Variants in SHISA6 observed in about 807,000 individuals in gnomAD.
The protein encoded by SHISA6 is protein shisa-6.
Under a neutral mutation model 47.9 loss-of-function variants are expected in SHISA6, and 22 were observed. That is an observed-to-expected ratio of 0.46 (90% CI 0.33 to 0.66). SHISA6 has a LOEUF of 0.66. Among genes scored for constraint, SHISA6 ranks in the 30% least tolerant of loss-of-function variants. SHISA6 has a pLI of 0.02. For synonymous variants in SHISA6, 388 were observed against 337.8 expected (o/e 1.15, Z -1.63); for missense variants, 680 against 764.6 (o/e 0.89, Z 1.30).
At chr17:11,335,652 T>G (rs1911292643) in intron 2 of SHISA6, among the ~76,000 whole-genome samples, 2 of 152,108 alleles carry the variant, frequency 1.3e-5, no homozygotes, top group African/African-American at 4.8e-5. Context: ...TTGAATGAAC[T>G]TCCCTCCCAA....
At chr17:11,244,210 C>G (rs1907487385) in intron 1 of SHISA6, among the ~76,000 whole-genome samples, 1 of 152,136 alleles carries the variant, frequency 6.6e-6, no homozygotes. Flanking sequence ...GATGTTTCCC[C>G]CTCAAGTTCA....
chr17:11,543,597 T>C (rs2071852517), intron 3 of SHISA6, among the ~76,000 whole-genome samples: 1 of 152,084 alleles, frequency 6.6e-6, no homozygotes. Context: ...TTTCTGGCTA[T>C]AGACAATATT....
intron 3 of SHISA6, among the ~76,000 whole-genome samples, chr17:11,416,013 CAG>C (rs990596343): frequency 2.0e-5 from 3 of 152,162 alleles, no homozygotes; most frequent in African/African-American, 7.2e-5. Context: ...CCTCACGTGG[CAG>C]AGAGAGAAAG....
chr17:11,491,403 C>T (rs915045677), intron 3 of SHISA6, among the ~76,000 whole-genome samples: 16 of 152,118 alleles, frequency 1.1e-4, no homozygotes, highest in African/African-American at 3.9e-4. Context: ...CAGGTTCAAG[C>T]AATCCTCTTG....
intron 3 of SHISA6, among the ~76,000 whole-genome samples, chr17:11,391,274 G>T (rs968683980): frequency 6.6e-6 from 1 of 152,152 alleles, no homozygotes; most frequent in Non-Finnish European, 1.5e-5. Context: ...ATGAGAAAGC[G>T]ATGGGGCTAT....
Position 11,479,003 on chromosome 17 carries a change from T to C in SHISA6, c.896-72893T>C, listed in dbSNP as rs937621598. Reference sequence around the variant, plus strand: ...TGCTCATGGGTAGGAAGAATCAATATCGTGAAAATGGCCATACTGCCCAAG... The same window carrying C: ...TGCTCATGGGTAGGAAGAATCAATACCGTGAAAATGGCCATACTGCCCAAG... On this transcript the variant is annotated intron_variant, in intron 3 of 5. Coordinates refer to ENST00000441885, the MANE Select transcript of SHISA6 (RefSeq NM_207386.4). 2.0e-5 allele frequency among the ~76,000 whole-genome samples: 3 copies of C among 152,150 alleles called. No individual in the cohort carries two copies. The East Asian group carries it at 5.8e-4, about 29-fold the overall frequency.
intron 3 of SHISA6, among the ~76,000 whole-genome samples, chr17:11,406,677 A>C (rs1313725114): frequency 6.6e-6 from 1 of 152,196 alleles, no homozygotes; most frequent in African/African-American, 2.4e-5. Flanking sequence ...TCTGAGCACA[A>C]TGCCCAGAAC....
At chr17:11,447,832 A>G (rs1382380192) in intron 3 of SHISA6, among the ~76,000 whole-genome samples, 1 of 152,038 alleles carries the variant, frequency 6.6e-6, no homozygotes, top group African/African-American at 2.4e-5. Flanking sequence ...GAAATACCCC[A>G]CATGTATGGG....
chr17:11,514,480 G>A (rs548868770), intron 3 of SHISA6, among the ~76,000 whole-genome samples: 11 of 152,258 alleles, frequency 7.2e-5, no homozygotes, highest in South Asian at 2.1e-4. Context: ...CATTTTAGCC[G>A]CTCTGAAATG....
chr17:11,300,161 A>AAAAG (rs1555526747), intron 2 of SHISA6, among the ~76,000 whole-genome samples: 1 of 151,780 alleles, frequency 6.6e-6, no homozygotes, highest in Non-Finnish European at 1.5e-5. Context: ...AAAAAAAAAA[A>AAAAG]AAAAGAAAAA....
intron 3 of SHISA6, among the ~76,000 whole-genome samples, chr17:11,514,705 C>A (rs746774200): frequency 6.6e-6 from 1 of 152,218 alleles, no homozygotes; most frequent in African/African-American, 2.4e-5. Context: ...CCCAGAGGAA[C>A]TCTTGGCCCT....
intron 1 of SHISA6, among the ~76,000 whole-genome samples, chr17:11,261,108 G>C (rs528747534): frequency 6.6e-6 from 1 of 151,874 alleles, no homozygotes; most frequent in South Asian, 2.1e-4. Flanking sequence ...AGGAACCAGA[G>C]CAAGGAGGGG....
chr17:11,249,030 T>C (rs1270359380), intron 1 of SHISA6, among the ~76,000 whole-genome samples: 2 of 149,516 alleles, frequency 1.3e-5, no homozygotes, highest in Non-Finnish European at 3.0e-5. Context: ...CCCAGCTACT[T>C]GGGAGACTGA....
chr17:11,412,155 T>C lies in SHISA6; in HGVS notation c.895+32646T>C, dbSNP rs1372500318. On this transcript the variant is annotated intron_variant, in intron 3 of 5. Transcript: ENST00000441885. The stretch of plus-strand genomic sequence containing the variant: ...TAAATATCCTTTCCACTTTACTGGC[T>C]TTGAGTCCTTGGAAAAAATCATTTT... 2.0e-5 allele frequency among the ~76,000 whole-genome samples: 3 copies of C among 152,188 alleles called. No homozygotes were observed. The East Asian group carries it at 5.8e-4, about 29-fold the overall frequency.
At chr17:11,550,890 G>A (rs1381914912) in intron 3 of SHISA6, among the ~76,000 whole-genome samples, 1 of 152,194 alleles carries the variant, frequency 6.6e-6, no homozygotes, top group African/African-American at 2.4e-5. Context: ...AGAATAGAAG[G>A]GGAAATGGGA....
chr17:11,311,948 G>T (rs915451223), intron 2 of SHISA6, among the ~76,000 whole-genome samples: 1 of 151,800 alleles, frequency 6.6e-6, no homozygotes, highest in African/African-American at 2.4e-5. Context: ...GCTAATTTTT[G>T]TATTTTTAGT....
chr17:11,554,944 T>C (rs1229265232), intron 4 of SHISA6, among the ~76,000 whole-genome samples: 2 of 152,074 alleles, frequency 1.3e-5, no homozygotes, highest in Non-Finnish European at 2.9e-5. Flanking sequence ...TCTCCCACTT[T>C]TCCTTCCATT....
At chr17:11,518,786 C>T (rs576771665) in intron 3 of SHISA6, among the ~76,000 whole-genome samples, 16 of 152,280 alleles carry the variant, frequency 1.1e-4, no homozygotes, top group South Asian at 4.2e-4. Context: ...GTGATTCTGA[C>T]GTGCAGCCAA....
intron 2 of SHISA6, among the ~76,000 whole-genome samples, chr17:11,299,374 T>A (rs1019974717): frequency 6.6e-6 from 1 of 152,190 alleles, no homozygotes; most frequent in East Asian, 1.9e-4. Flanking sequence ...GTTTTTTTTT[T>A]CAATGCAGGA....
Sources: allele counts gnomAD v4.1 joint callset (sites outside exome capture counted in the v4.1 genomes callset), GRCh38; gene constraint gnomAD v4.1.1; transcripts MANE v1.5; gene names NCBI Gene and HGNC (gene_info 2026-07-23, HGNC 2026-07-21).